FBXO42: variants seen among roughly 807,000 people sequenced by gnomAD.
FBXO42 encodes the protein F-box protein 42, also known as F-box only protein 42.
Under a neutral mutation model 71.7 loss-of-function variants are expected in FBXO42, and 12 were observed. That is an observed-to-expected ratio of 0.17 (90% confidence interval 0.11 to 0.27). The LOEUF is 0.27. Ranked by LOEUF, FBXO42 falls within the 10% of genes least tolerant of loss-of-function variation. The pLI is 1.00. For missense variants in FBXO42, 707 were observed against 911.9 expected, an observed-to-expected ratio of 0.78 and a Z score of 2.89; for synonymous variants, 325 against 327.5, an observed-to-expected ratio of 0.99 and a Z score of 0.08.
intron 2 of FBXO42, 117 bp downstream of exon 2, chr1:16,315,052 A>G: frequency 5.2e-6 from 6 of 1,143,390 alleles, no homozygotes; most frequent in Non-Finnish European, 7.4e-6. Flanking sequence ...GTATCGTCTA[A>G]TGCTAGATTT....
intron 1 of FBXO42, among the ~76,000 whole-genome samples, chr1:16,326,014 T>TTGTGTGTGTGTGTGTGTGTG (rs34752325): frequency 0.018 from 2,439 of 137,406 alleles, 58 homozygotes; most frequent in Middle Eastern, 0.033. Context: ...GTGCCCAAAT[T>TTGTGTGTGTGTGTGTGTGTG]TGTGTGTGTG....
At chr1:16,345,553 T>TA (rs372024789) in intron 1 of FBXO42, among the ~76,000 whole-genome samples, 222 of 151,310 alleles carry the variant, frequency 1.5e-3, no homozygotes, top group Non-Finnish European at 2.2e-3. Flanking sequence ...GCATTCCCTG[T>TA]AAAAGACACT....
chr1:16,328,515 T>C (rs914443991), intron 1 of FBXO42, among the ~76,000 whole-genome samples: 1 of 152,200 alleles, frequency 6.6e-6, no homozygotes, highest in African/African-American at 2.4e-5. Flanking sequence ...GGAAGGAAGA[T>C]AGAATGATCC....
intron 4 of FBXO42, 126 bp from the exon 5 acceptor site, chr1:16,256,885 G>A: frequency 2.3e-6 from 2 of 860,098 alleles, no homozygotes; most frequent in South Asian, 5.0e-5. Flanking sequence ...AAAGTGTAGA[G>A]GAAAGGTGGA....
At chr1:16,346,512 C>A (rs995721191) in intron 1 of FBXO42, among the ~76,000 whole-genome samples, 5 of 151,672 alleles carry the variant, frequency 3.3e-5, no homozygotes, top group Admixed American at 6.6e-5. Flanking sequence ...CACAGTGAAA[C>A]CCCGTCTCCA....
intron 1 of FBXO42, among the ~76,000 whole-genome samples, chr1:16,335,537 T>C (rs1421991630): frequency 1.3e-5 from 2 of 152,088 alleles, no homozygotes; most frequent in South Asian, 2.1e-4. Context: ...TATTTCGCTG[T>C]AGTATTAAAC....
Position 16,282,278 on chromosome 1 carries a change from T to C in FBXO42, c.502+12505A>G, listed in dbSNP as rs565986077. 2.0e-5 allele frequency among the ~76,000 whole-genome samples: 3 copies of C among 150,116 alleles called. No individual in the cohort carries two copies. In the South Asian group the frequency reaches 6.4e-4, roughly 32 times the overall value. ...TCTCACTCTGTCCCCCAGGCTGGAGTGCAGTGGCGCGATCTCGGCTCACTG... is the reference window on the plus strand; with the variant it reads ...TCTCACTCTGTCCCCCAGGCTGGAGCGCAGTGGCGCGATCTCGGCTCACTG... On this transcript the variant is annotated intron_variant, in intron 4 of 9. Coordinates refer to ENST00000375592, the MANE Select transcript of FBXO42 (RefSeq NM_018994.3).
chr1:16,349,720 G>C (rs2082682174), intron 1 of FBXO42, among the ~76,000 whole-genome samples: 1 of 152,134 alleles, frequency 6.6e-6, no homozygotes, highest in Admixed American at 6.6e-5. Flanking sequence ...AAATTAGCTG[G>C]GCATGATGGC....
chr1:16,263,382 G>T (rs2081735452), intron 4 of FBXO42, among the ~76,000 whole-genome samples: 1 of 151,940 alleles, frequency 6.6e-6, no homozygotes, highest in Admixed American at 6.6e-5. Context: ...CGCCAAGCTT[G>T]CATTGAGCCA....
chr1:16,338,354 C>CAAAAA (rs55865669), intron 1 of FBXO42, among the ~76,000 whole-genome samples: 2 of 108,146 alleles, frequency 1.8e-5, no homozygotes, highest in African/African-American at 3.8e-5. Context: ...GCCCTATCTC[C>CAAAAA]AAAAAAAAAA....
chr1:16,334,843 T>C (rs985544573), intron 1 of FBXO42, among the ~76,000 whole-genome samples: 1 of 152,060 alleles, frequency 6.6e-6, no homozygotes, highest in Non-Finnish European at 1.5e-5. Context: ...GTTCTCTCAT[T>C]CTTAAACACT....
chr1:16,288,446 AAAT>A (rs1157261778), intron 4 of FBXO42, among the ~76,000 whole-genome samples: 1 of 143,870 alleles, frequency 7.0e-6, no homozygotes, highest in African/African-American at 2.8e-5. Flanking sequence ...ATAAAAATAA[AAAT>A]AAAAATAATA....
At position 16,352,460 on chromosome 1, in the gene FBXO42, G is replaced by A; in HGVS notation, c.-223C>T. Reference sequence around the variant, plus strand: ...CCGCCGCCGCAGCTGCTGCTGCTCAGGCCGGGAGAAGACAGCGCAGAGCGC... The same window carrying A: ...CCGCCGCCGCAGCTGCTGCTGCTCAAGCCGGGAGAAGACAGCGCAGAGCGC... On this transcript the variant is annotated 5_prime_UTR_variant, in exon 1 of 10. Coordinates refer to ENST00000375592, the MANE Select transcript of FBXO42 (RefSeq NM_018994.3). 1.3e-5 allele frequency: 5 copies of A among 397,886 alleles called. No homozygotes were observed. Among genetic ancestry groups the A allele is most frequent in the Non-Finnish European group, 2.2e-5 (5 of 225,774 alleles). The allele number at this position is 397,886 out of a possible 1,614,324, so 24.6% of individuals were successfully genotyped here.
At chr1:16,279,843 G>GTTTTTTTTTTTT (rs1199990516) in intron 4 of FBXO42, among the ~76,000 whole-genome samples, 7 of 68,544 alleles carry the variant, frequency 1.0e-4, no homozygotes, top group African/African-American at 4.3e-4. Context: ...GTTGACAATG[G>GTTTTTTTTTTTT]TTTTTTTTTT....
chr1:16,303,629 A>G (rs896114398), intron 3 of FBXO42, among the ~76,000 whole-genome samples: 3 of 151,262 alleles, frequency 2.0e-5, no homozygotes, highest in Non-Finnish European at 2.9e-5. Context: ...GTACAGTGGC[A>G]TGATCTCGAC....
intron 3 of FBXO42, among the ~76,000 whole-genome samples, chr1:16,298,510 G>GTTAT (rs1355420573): frequency 1.3e-5 from 2 of 151,922 alleles, no homozygotes; most frequent in African/African-American, 2.4e-5. Context: ...TGTCCTATGA[G>GTTAT]TTATTTATTT....
At chr1:16,298,169 C>T (rs936375020) in intron 3 of FBXO42, among the ~76,000 whole-genome samples, 2 of 151,018 alleles carry the variant, frequency 1.3e-5, no homozygotes, top group African/African-American at 4.9e-5. Context: ...GAGGTTGCAG[C>T]GAGCTGAGAT....
chr1:16,300,943 G>A (rs1295806334), intron 3 of FBXO42, among the ~76,000 whole-genome samples: 6 of 135,118 alleles, frequency 4.4e-5, no homozygotes, highest in African/African-American at 1.8e-4. Flanking sequence ...CTGTCACCCA[G>A]GCTAGAGTGC....
intron 1 of FBXO42, among the ~76,000 whole-genome samples, chr1:16,342,188 G>A (rs781097008): frequency 1.1e-4 from 17 of 151,594 alleles, no homozygotes; most frequent in Non-Finnish European, 1.8e-4. Context: ...CTTGAAGCTG[G>A]GAGTTCAAGA....
Sources: allele counts gnomAD v4.1 joint callset (sites outside exome capture counted in the v4.1 genomes callset), GRCh38; gene constraint gnomAD v4.1.1; transcripts MANE v1.5; gene names NCBI Gene and HGNC (gene_info 2026-07-23, HGNC 2026-07-21).